Variants in ROBO2 observed in about 807,000 individuals in gnomAD.
ROBO2 encodes the protein roundabout homolog 2.
In ROBO2, 53 loss-of-function variants were observed where a neutral mutation model predicts 160.8. That is an observed-to-expected ratio of 0.33 (90% confidence interval 0.26 to 0.41). The LOEUF (loss-of-function observed/expected upper bound fraction) is 0.41. ROBO2 is among the 10% of genes least tolerant of loss of function. The pLI is 1.00. For missense variants in ROBO2, 1,577 were observed against 1,722.4 expected (o/e 0.92, Z 1.49); for synonymous variants, 664 against 611.7 (o/e 1.09, Z -1.26).
chr3:76,660,137 G>A (rs1214080302), intron 2 of ROBO2, among the ~76,000 whole-genome samples: 2 of 152,112 alleles, frequency 1.3e-5, no homozygotes, highest in East Asian at 3.9e-4. Context: ...GTAATTTTAT[G>A]CTTGTGAAAT....
At chr3:77,508,404 AT>A (rs1052710114) in intron 5 of ROBO2, among the ~76,000 whole-genome samples, 1 of 148,240 alleles carries the variant, frequency 6.7e-6, no homozygotes, top group African/African-American at 2.4e-5. Flanking sequence ...TTATATATAA[AT>A]GTATATATTA....
At chr3:76,292,918 T>C (rs1708876033) in intron 2 of ROBO2, among the ~76,000 whole-genome samples, 1 of 152,062 alleles carries the variant, frequency 6.6e-6, no homozygotes, top group African/African-American at 2.4e-5. Context: ...ATTGTAATTA[T>C]TTTTAGAAGA....
chr3:77,142,729 T>C (rs1445300016), intron 2 of ROBO2, among the ~76,000 whole-genome samples: 1 of 151,970 alleles, frequency 6.6e-6, no homozygotes, highest in Non-Finnish European at 1.5e-5. Context: ...TGCATCTGTC[T>C]TTAAAGGGAG....
chr3:75,915,706 T>C lies in ROBO2; in HGVS notation c.-14+8746T>C, dbSNP rs545701041. 1.3e-3 allele frequency among the ~76,000 whole-genome samples: 192 copies of C among 152,198 alleles called. 2 individuals are homozygous for C. The highest frequency in any genetic ancestry group is 4.3e-3 in the African/African-American group (179 of 41,544). ...GAGGTGGCATTTGCATAGGACTTGA[T>C]TTAGATAACATACATCAATGGTGTA... On this transcript the variant is annotated intron_variant, in intron 1 of 26. Transcript: ENST00000487694.
intron 2 of ROBO2, among the ~76,000 whole-genome samples, chr3:76,194,979 G>T (rs1305803778): frequency 6.6e-6 from 1 of 152,066 alleles, no homozygotes; most frequent in African/African-American, 2.4e-5. Context: ...AAAAGGAGTA[G>T]TTCATTAATA....
chr3:76,922,443 G>C (rs1023493842), intron 2 of ROBO2, among the ~76,000 whole-genome samples: 2 of 152,178 alleles, frequency 1.3e-5, no homozygotes, highest in African/African-American at 4.8e-5. Flanking sequence ...TGTGGCTTTA[G>C]GTAGCATCCT....
At chr3:76,322,484 T>G (rs1283260859) in intron 2 of ROBO2, among the ~76,000 whole-genome samples, 1 of 151,666 alleles carries the variant, frequency 6.6e-6, no homozygotes. Context: ...TCTTTAAGAT[T>G]TACTGTTATA....
intron 2 of ROBO2, among the ~76,000 whole-genome samples, chr3:76,876,780 A>G (rs1188958894): frequency 1.3e-5 from 2 of 152,234 alleles, no homozygotes; most frequent in Non-Finnish European, 2.9e-5. Flanking sequence ...ACAAGTGTTT[A>G]ACAAAATAAG....
At chr3:76,700,457 A>C (rs2093024443) in intron 2 of ROBO2, among the ~76,000 whole-genome samples, 1 of 152,076 alleles carries the variant, frequency 6.6e-6, no homozygotes, top group African/African-American at 2.4e-5. Flanking sequence ...ACCAGTATAT[A>C]TTTGTTGGGA....
At chr3:76,543,651 A>G (rs1190816781) in intron 2 of ROBO2, among the ~76,000 whole-genome samples, 1 of 152,032 alleles carries the variant, frequency 6.6e-6, no homozygotes, top group South Asian at 2.1e-4. Flanking sequence ...TTTGATGTAA[A>G]TGTCTATTTC....
At chr3:77,428,337 A>ATTTTTTTTTTTTTTTT (rs1491236295) in intron 2 of ROBO2, among the ~76,000 whole-genome samples, 2 of 128,224 alleles carry the variant, frequency 1.6e-5, no homozygotes, top group African/African-American at 6.1e-5. Context: ...AACTTAGGTA[A>ATTTTTTTTTTTTTTTT]TATTTTTTTT....
At chr3:77,603,480 G>A (rs937347488) in intron 20 of ROBO2, among the ~76,000 whole-genome samples, 14 of 151,938 alleles carry the variant, frequency 9.2e-5, no homozygotes, top group Non-Finnish European at 1.3e-4. Flanking sequence ...ACAAGATTTC[G>A]AAATACCATA....
chr3:77,076,494 A>G (rs2068020866), intron 1 of ROBO2, among the ~76,000 whole-genome samples: 1 of 142,568 alleles, frequency 7.0e-6, no homozygotes, highest in Non-Finnish European at 1.5e-5. Flanking sequence ...AATAAGTAAA[A>G]TGAGAGGAAA....
Position 77,588,504 on chromosome 3 carries a change from C to A in ROBO2, c.2501-247C>A, listed in dbSNP as rs1308409974. ...AATTTATAAGGTGATAAATCAACTA[C>A]GTTGTGAATCCATCCATAGCAAACC... On this transcript the variant is annotated intron_variant, in intron 16 of 25. Transcript: ENST00000461745. Among the ~76,000 whole-genome samples the A allele has an allele frequency of 2.0e-5, 3 of 150,586 alleles. No individual in the cohort carries two copies. The South Asian group carries it at 6.3e-4, about 32-fold the overall frequency.
chr3:77,246,758 C>CT (rs35537491), intron 2 of ROBO2, among the ~76,000 whole-genome samples: 82 of 152,242 alleles, frequency 5.4e-4, no homozygotes, highest in Non-Finnish European at 9.9e-4. Flanking sequence ...CAATGTAACA[C>CT]TTTTTTTGTG....
chr3:77,117,364 A>G (rs1470509746), intron 2 of ROBO2, among the ~76,000 whole-genome samples: 1 of 152,176 alleles, frequency 6.6e-6, no homozygotes, highest in Admixed American at 6.5e-5. Flanking sequence ...AATACCTATG[A>G]TACTAAATCT....
intron 2 of ROBO2, among the ~76,000 whole-genome samples, chr3:77,226,968 T>C (rs1427830051): frequency 3.9e-5 from 6 of 152,196 alleles, no homozygotes. Context: ...CCAACTTCAT[T>C]TTTCTTTAAC....
intron 2 of ROBO2, among the ~76,000 whole-genome samples, chr3:77,186,711 T>A (rs947904452): frequency 6.6e-6 from 1 of 151,804 alleles, no homozygotes; most frequent in Non-Finnish European, 1.5e-5. Flanking sequence ...AAACTGAGAT[T>A]TTTTTTTGAG....
intron 2 of ROBO2, among the ~76,000 whole-genome samples, chr3:76,301,660 T>C (rs1709363516): frequency 6.6e-6 from 1 of 152,094 alleles, no homozygotes; most frequent in Non-Finnish European, 1.5e-5. Context: ...CTGTTATCCA[T>C]CTATCTGTCA....
Sources: allele counts gnomAD v4.1 joint callset (sites outside exome capture counted in the v4.1 genomes callset), GRCh38; gene constraint gnomAD v4.1.1; transcripts MANE v1.5; gene names NCBI Gene and HGNC (gene_info 2026-07-23, HGNC 2026-07-21).